The following NOTCH1 variants were observed in gnomAD, a reference collection of about 807,000 sequenced individuals.
NOTCH1 encodes the protein neurogenic locus notch homolog protein 1.
A neutral mutation model predicts 254.8 loss-of-function variants in NOTCH1; 37 were observed. That is an observed-to-expected ratio of 0.15 (90% CI 0.11 to 0.19). The LOEUF is 0.19. Among genes scored for constraint, NOTCH1 ranks in the 10% least tolerant of loss-of-function variants. NOTCH1 has a pLI of 1.00. For missense variants in NOTCH1, 2,972 were observed against 3,708.6 expected, an observed-to-expected ratio of 0.80 and a Z score of 5.16; for synonymous variants, 1,731 against 1,618.1, an observed-to-expected ratio of 1.07 and a Z score of -1.68.
intron 18 of NOTCH1, among the ~76,000 whole-genome samples, 188 bp downstream of exon 18, chr9:136,509,545 G>A (rs562080118): frequency 1.4e-4 from 22 of 152,348 alleles, no homozygotes; most frequent in Admixed American, 3.3e-4. Flanking sequence ...CGGGACACAG[G>A]AGGAGGTCAC....
At chr9:136,514,084 C>T (rs1279575858) in intron 13 of NOTCH1, among the ~76,000 whole-genome samples, 1 of 152,156 alleles carries the variant, frequency 6.6e-6, no homozygotes, top group East Asian at 1.9e-4. Context: ...TGCGAAAAGC[C>T]CCCCACCACT....
At chr9:136,529,058 C>T (rs1315516932) in intron 2 of NOTCH1, among the ~76,000 whole-genome samples, 3 of 152,180 alleles carry the variant, frequency 2.0e-5, no homozygotes, top group East Asian at 1.9e-4. Flanking sequence ...GGCACCCCCA[C>T]GCCCTCCCCA....
chr9:136,506,870 G>A lies in NOTCH1; in HGVS notation c.3747C>T (p.Gly1249=), dbSNP rs533632819. The change falls in exon 23 of 34, where the codon GGC becomes GGT. Residue 1249 remains glycine, a synonymous_variant. Coordinates refer to ENST00000651671, the MANE Select transcript of NOTCH1 (RefSeq NM_017617.5). This position sits in a 1 kb window ranked among gnomAD's most constrained non-coding sequence, Gnocchi z 4.5. The part of the protein sequence containing the change: ...FNNGTCVDQV[G]GYSCTCPPGF... ...CCGGCGGGCAGGTGCAGCTGTAGCC[G>A]CCCACCTGGTCCACGCAGGTGCCGT... The A allele has an allele frequency of 2.5e-6, 4 of 1,611,380 alleles. No homozygotes were observed. Among genetic ancestry groups the A allele is most frequent in the Middle Eastern group, 1.7e-4 (1 of 6,058 alleles).
intron 6 of NOTCH1, 141 bp from the exon 7 acceptor site, chr9:136,518,433 G>T: frequency 8.3e-7 from 1 of 1,210,986 alleles, no homozygotes; most frequent in Non-Finnish European, 1.2e-6. Flanking sequence ...CACTTGGGAC[G>T]TTCCGGGGGA....
rs1164392989 is a variant in NOTCH1, at chr9:136,519,441, G to A, written c.865+2C>T. On this transcript the variant is annotated splice_donor_variant, in intron 5 of 33. Coordinates refer to ENST00000651671, the MANE Select transcript of NOTCH1 (RefSeq NM_017617.5). LOFTEE classifies it low-confidence loss of function (GC_TO_GT_DONOR). The stretch of plus-strand genomic sequence containing the variant: ...CCGCCCTGCGGCGACCCGTATACGC[G>A]CCTGTCCACTCTGGCGGGCAGCGGC... The A allele has an allele frequency of 4.3e-6, 7 of 1,612,788 alleles. No individual in the cohort carries two copies. The highest frequency in any genetic ancestry group is 2.2e-5 in the East Asian group (1 of 44,882).
chr9:136,500,853 G>A lies in NOTCH1; in HGVS notation c.5639-6C>T, dbSNP rs2133326897. On this transcript the variant is annotated splice_region_variant and splice_polypyrimidine_tract_variant and intron_variant, in intron 30 of 33. Coordinates refer to ENST00000651671, the MANE Select transcript of NOTCH1 (RefSeq NM_017617.5). ...CATGAGCGGGGTGAAGCCATCTGCAGAGGCAGAGACGGGTGCTCAGTCTGG... is the reference window on the plus strand; with the variant it reads ...CATGAGCGGGGTGAAGCCATCTGCAAAGGCAGAGACGGGTGCTCAGTCTGG... 1 of 1,587,546 alleles carries A rather than the reference G, an allele frequency of 6.3e-7. No homozygotes were observed. The highest frequency in any genetic ancestry group is 1.1e-5 in the South Asian group (1 of 90,102).
Position 136,494,519 on chromosome 9 carries a change from T to C in NOTCH1, c.*1552A>G, listed in dbSNP as rs927262517. On this transcript the variant is annotated 3_prime_UTR_variant, in exon 34 of 34. Transcript: ENST00000651671. ...AAAATACATCATCTACAGTTCCTCA[T>C]GTAGATCACTTTTAAAGTCTTTTTC... is the stretch of plus-strand genomic sequence containing the variant. The C allele has an allele frequency of 1.3e-5, 5 of 398,928 alleles. No homozygotes were observed. Among genetic ancestry groups the C allele is most frequent in the African/African-American group, 1.0e-4 (5 of 48,656 alleles). 24.7% of individuals were successfully genotyped at this position (398,928 alleles called of 1,614,324 possible). A position where few individuals can be genotyped will look rare whatever the true frequency, so the allele number is the denominator to read the frequency against.
chr9:136,513,484 T>C lies in NOTCH1; in HGVS notation c.2261A>G (p.Asn754Ser), dbSNP rs761072761. ...ACAAGGGTTGGATTCACACTCATTG[T>C]TGTTGATGTCACAGTTGGTCCCACT... ...GWSGTNCDIN[N>S]NECESNPCVN... Residue 754 changes from asparagine (N) to serine (S), a missense_variant, in exon 14 of 34, where the codon AAC becomes AGC. Coordinates refer to ENST00000651671, the MANE Select transcript of NOTCH1 (RefSeq NM_017617.5). The surrounding 1 kb of genome is among the most constrained non-coding windows in gnomAD (Gnocchi z 4.7). 11 of 1,613,232 alleles carry C rather than the reference T, an allele frequency of 6.8e-6. No homozygotes were observed. In the South Asian group the frequency reaches 9.9e-5, roughly 14 times the overall value.
chr9:136,533,914 A>G lies in NOTCH1; in HGVS notation c.141-9935T>C, dbSNP rs533683908. On this transcript the variant is annotated intron_variant, in intron 2 of 33. Transcript: ENST00000651671. Reference sequence around the variant, plus strand: ...CTTGATGAGGCACGAACGCATCTCTAATAAAGCCAGGTCTCCCCGCCGTGG... The same window carrying G: ...CTTGATGAGGCACGAACGCATCTCTGATAAAGCCAGGTCTCCCCGCCGTGG... Among the ~76,000 whole-genome samples the G allele has an allele frequency of 3.2e-4, 48 of 152,354 alleles. 1 individual carries two copies. The highest frequency in any genetic ancestry group is 1.9e-3 in the South Asian group (9 of 4,826).
At chr9:136,536,744 C>T (rs1309581185) in intron 2 of NOTCH1, among the ~76,000 whole-genome samples, 1 of 152,228 alleles carries the variant, frequency 6.6e-6, no homozygotes, top group African/African-American at 2.4e-5. Flanking sequence ...GCAGTGACTA[C>T]CCCTAGCTTG....
rs567890045 is a variant in NOTCH1 at position 136,522,892 on chromosome 9, G to A, written c.700C>T (p.Arg234Cys). The change falls in exon 4 of 34, where the codon CGC becomes TGC. Residue 234 changes from arginine to cysteine, a missense_variant. Physicochemically the swap from Arg to Cys is radical, Grantham distance 180. This residue lies in a region of NOTCH1 where 374 missense variants were observed against 496.3 expected (regional missense o/e 0.75). Coordinates refer to ENST00000651671, the MANE Select transcript of NOTCH1 (RefSeq NM_017617.5). ...PSPCQNGGTC[R>C]PTGDVTHECA... ...TCGTGGGTGACGTCGCCCGTGGGGCGGCAGGTGCCCCCGTTCTGGCAGGGC... is the reference window on the plus strand; with the variant it reads ...TCGTGGGTGACGTCGCCCGTGGGGCAGCAGGTGCCCCCGTTCTGGCAGGGC... The A allele has an allele frequency of 8.5e-6, 13 of 1,535,012 alleles. No homozygotes were observed. Among genetic ancestry groups the A allele is most frequent in the South Asian group, 2.4e-5 (2 of 83,340 alleles).
At chr9:136,499,037 G>A (rs895691510) in intron 32 of NOTCH1, 41 bp from the exon 33 acceptor site, 1 of 1,612,702 alleles carries the variant, frequency 6.2e-7, no homozygotes, top group Non-Finnish European at 8.5e-7. Flanking sequence ...GAGACCAGCT[G>A]GAGGCAACCC....
chr9:136,537,495 G>A (rs898879331), intron 2 of NOTCH1, among the ~76,000 whole-genome samples: 2 of 152,154 alleles, frequency 1.3e-5, no homozygotes, highest in African/African-American at 4.8e-5. Flanking sequence ...TACAGTTTCT[G>A]TTTTGTGCAG....
chr9:136,544,106 G>A lies in NOTCH1; in HGVS notation c.62-4C>T, dbSNP rs1211170407. On this transcript the variant is annotated splice_region_variant and splice_polypyrimidine_tract_variant and intron_variant, in intron 1 of 33. Coordinates refer to ENST00000651671, the MANE Select transcript of NOTCH1 (RefSeq NM_017617.5). Reference sequence around the variant, plus strand: ...CCGGGCTGGGAGCATCGCGGGCCTAGGCAGGGGCAGGAGAAGAGAGGTCAG... The same window carrying A: ...CCGGGCTGGGAGCATCGCGGGCCTAAGCAGGGGCAGGAGAAGAGAGGTCAG... 2.6e-6 allele frequency: 4 copies of A among 1,567,792 alleles called. No individual in the cohort carries two copies. Among genetic ancestry groups the A allele is most frequent in the South Asian group, 1.2e-5 (1 of 85,414 alleles).
chr9:136,517,110 GGGGTGC>G (rs1843286450), intron 9 of NOTCH1, among the ~76,000 whole-genome samples, 156 bp downstream of exon 9: 2 of 147,868 alleles, frequency 1.4e-5, no homozygotes, highest in African/African-American at 5.1e-5. Context: ...TCAGGAGGCC[GGGGTGC>G]GGACGGCCCG....
At chr9:136,535,075 C>T (rs1209966502) in intron 2 of NOTCH1, among the ~76,000 whole-genome samples, 1 of 102,126 alleles carries the variant, frequency 9.8e-6, no homozygotes, top group East Asian at 2.7e-4. Flanking sequence ...GACCTCCTTC[C>T]AGGAAATTGC....
chr9:136,507,900 G>A, intron 21 of NOTCH1, 55 bp downstream of exon 21: 1 of 1,574,302 alleles, frequency 6.4e-7, no homozygotes, highest in South Asian at 1.1e-5. Flanking sequence ...GCCAGGGCCT[G>A]GTGTGTGGCA....
At chr9:136,539,601 G>A in intron 2 of NOTCH1, among the ~76,000 whole-genome samples, 1 of 152,182 alleles carries the variant, frequency 6.6e-6, no homozygotes, top group East Asian at 1.9e-4. Context: ...TGTTGGCCAG[G>A]CTGGTCTTGA....
intron 1 of NOTCH1, among the ~76,000 whole-genome samples, chr9:136,544,413 G>A (rs1843780930): frequency 6.6e-6 from 1 of 152,170 alleles, no homozygotes; most frequent in South Asian, 2.1e-4. Flanking sequence ...CGCAGTGGGG[G>A]AAAAGCAGAG....
Sources: gnomAD v4.1 joint callset for allele counts (sites outside exome capture counted in the v4.1 genomes callset) on GRCh38, gnomAD v4.1.1 for gene constraint, gnomAD v4.1.1 regional missense constraint, Gnocchi (gnomAD v3.1) non-coding constraint, MANE v1.5 for transcripts, NCBI Gene and HGNC (gene_info 2026-07-23, HGNC 2026-07-21) for gene names.